RALYL: variants seen among roughly 807,000 people sequenced by gnomAD.
RALYL encodes RNA-binding Raly-like protein.
A neutral mutation model predicts 35.1 loss-of-function variants in RALYL; 29 were observed. The ratio of observed to expected loss-of-function variants is 0.83; its 90% CI spans 0.61 to 1.13. The LOEUF (loss-of-function observed/expected upper bound fraction) is 1.13. RALYL is among the 50% of genes most tolerant of loss of function. The pLI is 0.00. For synonymous variants in RALYL, 120 were observed against 127.6 expected, an observed-to-expected ratio of 0.94 and a Z score of 0.40; for missense variants, 359 against 360.4, an observed-to-expected ratio of 1.00 and a Z score of 0.03.
At chr8:84,386,719 A>C (rs1313402480) in intron 1 of RALYL, among the ~76,000 whole-genome samples, 1 of 151,832 alleles carries the variant, frequency 6.6e-6, no homozygotes, top group Non-Finnish European at 1.5e-5. Flanking sequence ...CATTGACTAC[A>C]TATCATCTTC....
At position 84,310,875 on chromosome 8, in the gene RALYL, G is replaced by A. The variant is rs1391620392; in HGVS notation, c.-24+126451G>A. Among the ~76,000 whole-genome samples, 37 of 140,510 alleles carry A rather than the reference G, an allele frequency of 2.6e-4. 3 individuals are homozygous for A. The highest frequency in any genetic ancestry group is 8.9e-4 in the Admixed American group (13 of 14,588). The allele number at this position is 140,510 out of a possible 152,430, so 92.2% of individuals were successfully genotyped here. A position where few individuals can be genotyped will look rare whatever the true frequency, so the allele number is the denominator to read the frequency against. On this transcript the variant is annotated intron_variant, in intron 1 of 8. Transcript: ENST00000521268. ...GTCCTGGCTAACAAGGTGAAACCCC[G>A]TCTCTACTAAAAATACAAAAAATTA...
chr8:84,504,373 C>T (rs1415659681), intron 1 of RALYL, among the ~76,000 whole-genome samples: 1 of 152,022 alleles, frequency 6.6e-6, no homozygotes, highest in African/African-American at 2.4e-5. Context: ...TTTCGTGGAA[C>T]TGTGAAATGC....
intron 2 of RALYL, among the ~76,000 whole-genome samples, chr8:84,567,488 T>C (rs1350198144): frequency 6.6e-6 from 1 of 151,784 alleles, no homozygotes; most frequent in African/African-American, 2.4e-5. Context: ...TGAGATATTT[T>C]ACTTAGGTCT....
intron 1 of RALYL, among the ~76,000 whole-genome samples, chr8:84,366,604 G>C (rs372120823): frequency 2.6e-5 from 4 of 151,642 alleles, no homozygotes; most frequent in African/African-American, 9.7e-5. Context: ...GTCAAACCTC[G>C]TCTCTGCTAA....
At chr8:84,324,287 T>G (rs575526817) in intron 1 of RALYL, among the ~76,000 whole-genome samples, 1 of 152,036 alleles carries the variant, frequency 6.6e-6, no homozygotes, top group South Asian at 2.1e-4. Flanking sequence ...TAATTTCTTT[T>G]TTTTCCTTCC....
At chr8:84,277,676 T>A (rs1835690314) in intron 1 of RALYL, among the ~76,000 whole-genome samples, 1 of 152,208 alleles carries the variant, frequency 6.6e-6, no homozygotes, top group Non-Finnish European at 1.5e-5. Flanking sequence ...AATACACCTA[T>A]TTTAAATGGG....
chr8:84,904,848 T>TGTGG (rs1413270173), intron 8 of RALYL, among the ~76,000 whole-genome samples: 2 of 152,170 alleles, frequency 1.3e-5, no homozygotes, highest in Non-Finnish European at 2.9e-5. Context: ...CTCTGTTCAC[T>TGTGG]GTGGCATGTT....
chr8:84,881,205 T>C (rs1484653977), intron 7 of RALYL, among the ~76,000 whole-genome samples: 1 of 151,974 alleles, frequency 6.6e-6, no homozygotes, highest in East Asian at 1.9e-4. Context: ...ATGTGGCTGA[T>C]AGTAATACCA....
chr8:84,682,741 A>T (rs1193111742), intron 2 of RALYL, among the ~76,000 whole-genome samples: 5 of 151,436 alleles, frequency 3.3e-5, no homozygotes, highest in Non-Finnish European at 2.9e-5. Flanking sequence ...TTTCTTCTTT[A>T]TTAGTCTTGC....
rs529688936 is a variant in RALYL at position 84,790,167 on chromosome 8, T to G, written c.333-14603T>G. ...AAAGTCCAGAACAAAGCTCCAGTCC[T>G]GGAATGTTAATTGAAAAAAGCAGGG... On this transcript the variant is annotated intron_variant, in intron 3 of 8. Coordinates refer to ENST00000521268, the MANE Select transcript of RALYL (RefSeq NM_173848.7). 1.3e-4 allele frequency among the ~76,000 whole-genome samples: 20 copies of G among 152,268 alleles called. No individual in the cohort carries two copies. In the South Asian group the frequency reaches 4.1e-3, roughly 32 times the overall value.
intron 1 of RALYL, among the ~76,000 whole-genome samples, chr8:84,347,987 G>A (rs1008212593): frequency 1.4e-4 from 21 of 152,058 alleles, no homozygotes; most frequent in Non-Finnish European, 2.9e-4. Context: ...AGCTTGATAG[G>A]TTAAAGTTTA....
intron 4 of RALYL, among the ~76,000 whole-genome samples, chr8:84,805,503 G>C (rs962618143): frequency 6.6e-6 from 1 of 152,148 alleles, no homozygotes; most frequent in African/African-American, 2.4e-5. Flanking sequence ...GGCCAACATG[G>C]TGAAACTCTG....
At chr8:84,493,261 G>C (rs573050859) in intron 1 of RALYL, among the ~76,000 whole-genome samples, 9 of 152,090 alleles carry the variant, frequency 5.9e-5, no homozygotes, top group African/African-American at 2.2e-4. Context: ...TCTTTTTATG[G>C]CTGCATAGTA....
intron 3 of RALYL, among the ~76,000 whole-genome samples, chr8:84,782,649 A>T (rs1255160714): frequency 6.6e-6 from 1 of 152,198 alleles, no homozygotes; most frequent in Non-Finnish European, 1.5e-5. Context: ...ATGATCTTTT[A>T]TGCTATATTC....
At chr8:84,543,945 A>G (rs1588094172) in intron 2 of RALYL, among the ~76,000 whole-genome samples, 2 of 152,198 alleles carry the variant, frequency 1.3e-5, no homozygotes, top group East Asian at 1.9e-4. Context: ...CAATGACACT[A>G]TTATGACTGC....
chr8:84,412,121 T>G (rs1429606772), intron 1 of RALYL, among the ~76,000 whole-genome samples: 1 of 151,934 alleles, frequency 6.6e-6, no homozygotes, highest in Admixed American at 6.6e-5. Flanking sequence ...TATTGAAAAC[T>G]AATTGTGATG....
intron 1 of RALYL, among the ~76,000 whole-genome samples, chr8:84,202,596 A>G (rs1817135627): frequency 6.6e-6 from 1 of 151,952 alleles, no homozygotes; most frequent in Non-Finnish European, 1.5e-5. Context: ...CTGGTCTTGA[A>G]TTCCTGACTT....
At chr8:84,831,735 A>C (rs973219320) in intron 4 of RALYL, among the ~76,000 whole-genome samples, 1 of 152,136 alleles carries the variant, frequency 6.6e-6, no homozygotes, top group East Asian at 1.9e-4. Context: ...CTCTTCTACA[A>C]ATTCATGATT....
intron 2 of RALYL, among the ~76,000 whole-genome samples, chr8:84,573,623 T>C (rs1439798877): frequency 6.6e-6 from 1 of 151,788 alleles, no homozygotes; most frequent in Non-Finnish European, 1.5e-5. Flanking sequence ...TAAGCACTTA[T>C]TTTTCTCTCT....
Sources: gnomAD v4.1 joint callset for allele counts (sites outside exome capture counted in the v4.1 genomes callset) on GRCh38, gnomAD v4.1.1 for gene constraint, MANE v1.5 for transcripts, NCBI Gene and HGNC (gene_info 2026-07-23, HGNC 2026-07-21) for gene names.